Variants in TAB2 observed in about 807,000 individuals in gnomAD.
TAB2 encodes TGF-beta activated kinase 1 (MAP3K7) binding protein 2, also known as TGF-beta-activated kinase 1 and MAP3K7-binding protein 2.
Under a neutral mutation model 65.0 loss-of-function variants are expected in TAB2, and 3 were observed. That is an observed-to-expected ratio of 0.05 (90% CI 0.02 to 0.12). TAB2 has a LOEUF of 0.12. Among genes scored for constraint, TAB2 ranks in the 10% least tolerant of loss-of-function variants. TAB2 has a pLI of 1.00. For missense variants in TAB2, 623 were observed against 840.3 expected, an observed-to-expected ratio of 0.74 and a Z score of 3.20; for synonymous variants, 298 against 285.1, an observed-to-expected ratio of 1.05 and a Z score of -0.46.
At chr6:149,360,373 A>G (rs939347700) in intron 1 of TAB2, among the ~76,000 whole-genome samples, 4 of 152,214 alleles carry the variant, frequency 2.6e-5, no homozygotes, top group Admixed American at 6.5e-5. Flanking sequence ...GAAGCTTACA[A>G]TCATGGCCGA....
intron 3 of TAB2, among the ~76,000 whole-genome samples, chr6:149,386,492 A>G (rs2114911977): frequency 6.6e-6 from 1 of 152,124 alleles, no homozygotes; most frequent in Non-Finnish European, 1.5e-5. Context: ...CCACTAATCT[A>G]CTTTCTTTCT....
intron 1 of TAB2, chr6:149,245,035 A>C (rs1777682496): frequency 6.6e-6 from 1 of 152,226 alleles, no homozygotes; most frequent in Admixed American, 6.5e-5. Flanking sequence ...TAACTTGCCC[A>C]AGTCAAGCAG....
chr6:149,268,908 T>C (rs1476055905), intron 1 of TAB2, among the ~76,000 whole-genome samples: 2 of 152,182 alleles, frequency 1.3e-5, no homozygotes, highest in Non-Finnish European at 2.9e-5. Flanking sequence ...CTTTTTCATA[T>C]CAAATTACTT....
intron 1 of TAB2, among the ~76,000 whole-genome samples, chr6:149,262,563 T>C (rs1192108165): frequency 3.3e-5 from 5 of 151,536 alleles, no homozygotes; most frequent in Non-Finnish European, 7.4e-5. Context: ...TATGCTAGAG[T>C]TGTCACCTGG....
intron 1 of TAB2, among the ~76,000 whole-genome samples, chr6:149,268,347 A>G (rs533279310): frequency 6.6e-6 from 1 of 152,354 alleles, no homozygotes; most frequent in East Asian, 1.9e-4. Flanking sequence ...CGTGGTCCAC[A>G]TCCAGCTGGG....
rs1271749331 is a variant in TAB2 at position 149,410,496 on chromosome 6, T to C, written c.*777T>C. On this transcript the variant is annotated 3_prime_UTR_variant, in exon 7 of 7. Coordinates refer to ENST00000637181, the MANE Select transcript of TAB2 (RefSeq NM_001292034.3). ...GTAATTAAGCACGATCATGTCCCTTTTTAAGCCTTACCTGAGAGGAACAAT... is the reference window on the plus strand; with the variant it reads ...GTAATTAAGCACGATCATGTCCCTTCTTAAGCCTTACCTGAGAGGAACAAT... The C allele has an allele frequency of 1.3e-5, 2 of 152,662 alleles. No homozygotes were observed. The highest frequency in any genetic ancestry group is 4.8e-5 in the African/African-American group (2 of 41,460). 9.5% of individuals were successfully genotyped at this position (152,662 alleles called of 1,614,324 possible).
chr6:149,220,371 C>T (rs571191254), intron 1 of TAB2, among the ~76,000 whole-genome samples: 1 of 152,248 alleles, frequency 6.6e-6, no homozygotes, highest in Non-Finnish European at 1.5e-5. Flanking sequence ...ATGAACTTTT[C>T]CTGCTCTGTT....
Position 149,379,396 on chromosome 6 carries a change from C to G in TAB2, c.1481C>G (p.Pro494Arg). 6.2e-7 allele frequency: 1 copy of G among 1,614,156 alleles called. No homozygotes were observed. The highest frequency in any genetic ancestry group is 8.5e-7 in the Non-Finnish European group (1 of 1,180,030). Reference sequence around the variant, plus strand: ...GAACTTACAAATCTTCTTAATCATCCTGATCATTATGTAGAAACCGAGAAT... The same window carrying G: ...GAACTTACAAATCTTCTTAATCATCGTGATCATTATGTAGAAACCGAGAAT... ...TFELTNLLNH[P>R]DHYVETENIQ... Residue 494 changes from proline (P) to arginine (R), a missense_variant, in exon 3 of 7, where the codon CCT (proline) becomes CGT (arginine). Physicochemically the swap from Pro to Arg is moderately radical, Grantham distance 103. This residue lies in a region of TAB2 where 550 missense variants were observed against 665.7 expected (regional missense o/e 0.83). Transcript: ENST00000637181.
intron 1 of TAB2, among the ~76,000 whole-genome samples, chr6:149,323,184 T>G (rs867961939): frequency 2.0e-5 from 3 of 152,252 alleles, no homozygotes; most frequent in Middle Eastern, 3.4e-3. Flanking sequence ...ACTTTTAATT[T>G]TAAGCACTGA....
chr6:149,248,882 ACTG>A (rs1331451467), intron 1 of TAB2, among the ~76,000 whole-genome samples: 1 of 151,910 alleles, frequency 6.6e-6, no homozygotes, highest in Non-Finnish European at 1.5e-5. Context: ...GGCCACAGTC[ACTG>A]CTATTCATCT....
chr6:149,286,633 A>C (rs1035031325), intron 1 of TAB2, among the ~76,000 whole-genome samples: 5 of 152,234 alleles, frequency 3.3e-5, no homozygotes, highest in African/African-American at 1.2e-4. Context: ...TTTAAGCACA[A>C]AAACGTTCAT....
chr6:149,325,405 C>T (rs890414386), intron 1 of TAB2, among the ~76,000 whole-genome samples: 2 of 152,078 alleles, frequency 1.3e-5, no homozygotes, highest in East Asian at 1.9e-4. Context: ...TTCATTTTTC[C>T]TCAACAAATA....
At chr6:149,351,238 C>T (rs1385479097) in intron 1 of TAB2, among the ~76,000 whole-genome samples, 2 of 152,096 alleles carry the variant, frequency 1.3e-5, no homozygotes, top group Admixed American at 6.5e-5. Context: ...TGTCAGATTT[C>T]CCCAACTGCA....
At chr6:149,365,866 CACTG>C (rs1434924152) in intron 1 of TAB2, among the ~76,000 whole-genome samples, 1 of 152,104 alleles carries the variant, frequency 6.6e-6, no homozygotes, top group South Asian at 2.1e-4. Flanking sequence ...TCTTCAAGTT[CACTG>C]ACTGTCATTT....
chr6:149,368,928 T>C (rs1781130316), intron 1 of TAB2, among the ~76,000 whole-genome samples: 1 of 152,118 alleles, frequency 6.6e-6, no homozygotes, highest in Admixed American at 6.6e-5. Context: ...GAAGACTGTT[T>C]ATAAAATGCT....
At chr6:149,354,539 A>G (rs933359469) in intron 1 of TAB2, among the ~76,000 whole-genome samples, 40 of 152,176 alleles carry the variant, frequency 2.6e-4, no homozygotes, top group Non-Finnish European at 4.9e-4. Context: ...ATAGGTTTTT[A>G]AAATTTATTT....
intron 1 of TAB2, among the ~76,000 whole-genome samples, chr6:149,234,100 A>G (rs922298573): frequency 6.6e-6 from 1 of 152,214 alleles, no homozygotes; most frequent in African/African-American, 2.4e-5. Context: ...GTCTTTAAGA[A>G]CTATATTGAA....
At chr6:149,227,255 C>A (rs747429709) in intron 1 of TAB2, among the ~76,000 whole-genome samples, 2 of 152,128 alleles carry the variant, frequency 1.3e-5, no homozygotes, top group Non-Finnish European at 2.9e-5. Flanking sequence ...TGACTAGGTA[C>A]TATGTCAAGG....
chr6:149,389,431 A>G (rs1372084749), intron 3 of TAB2, among the ~76,000 whole-genome samples: 2 of 151,828 alleles, frequency 1.3e-5, no homozygotes, highest in Non-Finnish European at 2.9e-5. Context: ...AGATCACCTG[A>G]GGTTGGGAGT....
Sources: gnomAD v4.1 joint callset for allele counts (sites outside exome capture counted in the v4.1 genomes callset) on GRCh38, gnomAD v4.1.1 for gene constraint, gnomAD v4.1.1 regional missense constraint, MANE v1.5 for transcripts, NCBI Gene and HGNC (gene_info 2026-07-23, HGNC 2026-07-21) for gene names.